CD300A: variants seen among roughly 807,000 people sequenced by gnomAD.
CD300A encodes the protein CMRF35-like molecule 8.
Under a neutral mutation model 33.6 loss-of-function variants are expected in CD300A, and 22 were observed. The observed-to-expected ratio is 0.66, with a 90% confidence interval of 0.47 to 0.94. The LOEUF (loss-of-function observed/expected upper bound fraction) is 0.94. CD300A is among the 40% of genes least tolerant of loss of function. CD300A has a pLI of 0.00. For synonymous variants in CD300A, 136 were observed against 148.1 expected, an observed-to-expected ratio of 0.92 and a Z score of 0.59; for missense variants, 326 against 360.5, an observed-to-expected ratio of 0.90 and a Z score of 0.77.
rs1485919754 is a variant in CD300A, at chr17:74,471,837, G to A, written c.41-1699G>A. Among the ~76,000 whole-genome samples, 4 of 152,240 alleles carry A rather than the reference G, an allele frequency of 2.6e-5. No homozygotes were observed. The East Asian group carries it at 5.8e-4, about 22-fold the overall frequency. Reference sequence around the variant, plus strand: ...AGGAGAAGCTTGCACTGAAGTTTTTGTAGAGGGCCTACAGGTGCAAGGCAC... The same window carrying A: ...AGGAGAAGCTTGCACTGAAGTTTTTATAGAGGGCCTACAGGTGCAAGGCAC... On this transcript the variant is annotated intron_variant, in intron 1 of 6. Transcript: ENST00000360141.
chr17:74,482,202 C>T (rs576156360), intron 6 of CD300A, among the ~76,000 whole-genome samples: 4 of 151,998 alleles, frequency 2.6e-5, no homozygotes, highest in South Asian at 2.1e-4. Flanking sequence ...GTCTGTGACC[C>T]GCTGTGGGTC....
At chr17:74,475,954 C>T (rs1906434824) in intron 3 of CD300A, among the ~76,000 whole-genome samples, 1 of 104,064 alleles carries the variant, frequency 9.6e-6, no homozygotes, top group Non-Finnish European at 1.7e-5. Flanking sequence ...TAGGACAAGG[C>T]TTGGGAGGAT....
chr17:74,469,875 A>G (rs1416485404), intron 1 of CD300A: 2 of 766,996 alleles, frequency 2.6e-6, no homozygotes, highest in Non-Finnish European at 3.2e-6. Flanking sequence ...AAAAAAATCC[A>G]TTTATTAATG....
At chr17:74,481,664 G>T in intron 5 of CD300A, 62 bp from the exon 6 acceptor site, 1 of 1,199,228 alleles carries the variant, frequency 8.3e-7, no homozygotes, top group South Asian at 1.3e-5. Flanking sequence ...CACATGCAGA[G>T]ACGCAGGGAC....
Position 74,484,457 on chromosome 17 carries a change from C to T in CD300A, c.*331C>T, listed in dbSNP as rs1907121215. On this transcript the variant is annotated 3_prime_UTR_variant, in exon 7 of 7. Coordinates refer to ENST00000360141, the MANE Select transcript of CD300A (RefSeq NM_007261.4). ...TGGCTCCAGGAAAAGATGTGGCTCACGTAGGTGGCACCTGCCAATAGCTTT... is the reference window on the plus strand; with the variant it reads ...TGGCTCCAGGAAAAGATGTGGCTCATGTAGGTGGCACCTGCCAATAGCTTT... The T allele has an allele frequency of 5.1e-6, 1 of 197,508 alleles. No homozygotes were observed. The highest frequency in any genetic ancestry group is 1.1e-5 in the Non-Finnish European group (1 of 95,020). 12.2% of individuals were successfully genotyped at this position (197,508 alleles called of 1,614,324 possible). A position where few individuals can be genotyped will look rare whatever the true frequency, so the allele number is the denominator to read the frequency against.
intron 1 of CD300A, chr17:74,470,230 G>A: frequency 1.0e-6 from 1 of 985,450 alleles, no homozygotes; most frequent in Non-Finnish European, 1.2e-6. Flanking sequence ...GGGGATCCAT[G>A]TGATCGTTCC....
At chr17:74,477,934 T>C (rs1246849455) in intron 4 of CD300A, among the ~76,000 whole-genome samples, 1 of 152,158 alleles carries the variant, frequency 6.6e-6, no homozygotes. Flanking sequence ...AAGGCTCCCG[T>C]GTCTATAAGA....
At chr17:74,468,626 C>A (rs1463865338) in intron 1 of CD300A, among the ~76,000 whole-genome samples, 1 of 152,168 alleles carries the variant, frequency 6.6e-6, no homozygotes, top group African/African-American at 2.4e-5. Context: ...AACCACCACA[C>A]CTGGCCCCTA....
chr17:74,468,805 C>A (rs1397349020), intron 1 of CD300A, among the ~76,000 whole-genome samples: 1 of 152,182 alleles, frequency 6.6e-6, no homozygotes, highest in Admixed American at 6.5e-5. Context: ...TACAGGCACC[C>A]ACCACCACTG....
At chr17:74,472,479 A>C (rs1218504578) in intron 1 of CD300A, among the ~76,000 whole-genome samples, 1 of 152,206 alleles carries the variant, frequency 6.6e-6, no homozygotes. Flanking sequence ...TCTGATAATT[A>C]TTTGGGAAAA....
At chr17:74,471,706 G>C (rs1205162734) in intron 1 of CD300A, among the ~76,000 whole-genome samples, 1 of 152,176 alleles carries the variant, frequency 6.6e-6, no homozygotes, top group African/African-American at 2.4e-5. Flanking sequence ...CTCTGCAGGG[G>C]GATGTGTACA....
chr17:74,472,762 A>C (rs1283544466), intron 1 of CD300A, among the ~76,000 whole-genome samples: 3 of 151,988 alleles, frequency 2.0e-5, no homozygotes, highest in Non-Finnish European at 4.4e-5. Context: ...GGCGCATGCC[A>C]CCACGCCCAG....
At position 74,475,665 on chromosome 17, in the gene CD300A, G is replaced by A. The variant is rs535130967; in HGVS notation, c.533+980G>A. ...CACAAAACCCCACAATTCCATCCTGGCACTATCCACCCAGAGTTAGTGCAG... is the reference window on the plus strand; with the variant it reads ...CACAAAACCCCACAATTCCATCCTGACACTATCCACCCAGAGTTAGTGCAG... On this transcript the variant is annotated intron_variant, in intron 3 of 6. Transcript: ENST00000360141. Among the ~76,000 whole-genome samples, 3 of 152,092 alleles carry A rather than the reference G, an allele frequency of 2.0e-5. No individual in the cohort carries two copies. In the South Asian group the frequency reaches 6.2e-4, roughly 32 times the overall value.
intron 1 of CD300A, 150 bp downstream of exon 1, chr17:74,466,893 C>G: frequency 6.7e-7 from 1 of 1,491,432 alleles, no homozygotes; most frequent in Admixed American, 2.1e-5. Context: ...ATAAGATGGA[C>G]AGATGAAGGT....
intron 3 of CD300A, 27 bp from the exon 4 acceptor site, chr17:74,477,409 G>C (rs377343240): frequency 1.3e-6 from 2 of 1,553,596 alleles, no homozygotes; most frequent in South Asian, 2.2e-5. Context: ...AGTTGGCCCC[G>C]CCCTTACCAT....
chr17:74,474,937 G>A (rs998749636), intron 3 of CD300A, among the ~76,000 whole-genome samples: 2 of 152,146 alleles, frequency 1.3e-5, no homozygotes, highest in Admixed American at 6.6e-5. Flanking sequence ...AACATCCTAC[G>A]AGGCCCGTGT....
intron 1 of CD300A, 61 bp from the exon 2 acceptor site, chr17:74,473,475 C>A: frequency 6.5e-7 from 1 of 1,530,402 alleles, no homozygotes; most frequent in Non-Finnish European, 8.9e-7. Flanking sequence ...GCCCTGACCC[C>A]AGGGCACCCC....
rs201861774 is a variant in CD300A at position 74,481,865 on chromosome 17, G to A, written c.774+32G>A. Reference sequence around the variant, plus strand: ...GCAGGAGCCCGGCTTTTGGGCATGCGGCCCCTGGGCTGTGCCAGGGCACCC... The same window carrying A: ...GCAGGAGCCCGGCTTTTGGGCATGCAGCCCCTGGGCTGTGCCAGGGCACCC... On this transcript the variant is annotated intron_variant, in intron 6 of 6. Coordinates refer to ENST00000360141, the MANE Select transcript of CD300A (RefSeq NM_007261.4). 58 of 1,530,828 alleles carry A rather than the reference G, an allele frequency of 3.8e-5. No homozygotes were observed. The East Asian group carries it at 4.2e-4, about 11-fold the overall frequency. 94.8% of individuals were successfully genotyped at this position (1,530,828 alleles called of 1,614,324 possible).
At chr17:74,471,783 G>A (rs1439005684) in intron 1 of CD300A, among the ~76,000 whole-genome samples, 1 of 152,158 alleles carries the variant, frequency 6.6e-6, no homozygotes, top group Non-Finnish European at 1.5e-5. Flanking sequence ...TTGGGCAGCC[G>A]TGGGCTGGGT....
Sources: gnomAD v4.1 joint callset for allele counts (sites outside exome capture counted in the v4.1 genomes callset) on GRCh38, gnomAD v4.1.1 for gene constraint, MANE v1.5 for transcripts, NCBI Gene and HGNC (gene_info 2026-07-23, HGNC 2026-07-21) for gene names.